ABR: variants seen among roughly 807,000 people sequenced by gnomAD.
ABR encodes active breakpoint cluster region-related protein.
ABR carries 35 observed loss-of-function variants against 107.2 expected under a neutral mutation model. That is an observed-to-expected ratio of 0.33 (90% confidence interval 0.25 to 0.43). ABR has a LOEUF of 0.43. ABR is among the 20% of genes least tolerant of loss of function. The pLI is 1.00. For missense variants in ABR, 815 were observed against 1,115.2 expected (o/e 0.73, Z 3.83); for synonymous variants, 498 against 462.0 (o/e 1.08, Z -1.00).
upstream of ABR, among the ~76,000 whole-genome samples, chr17:1,183,553 C>T (rs901103466): frequency 6.6e-5 from 10 of 152,184 alleles, no homozygotes; most frequent in Non-Finnish European, 1.3e-4. Flanking sequence ...ACTCTTGCTT[C>T]TACCAATCAA....
At position 1,098,468 on chromosome 17, in the gene ABR, C is replaced by T. The variant is rs897991729; in HGVS notation, c.345+2169G>A. Among the ~76,000 whole-genome samples the T allele has an allele frequency of 6.6e-5, 10 of 152,292 alleles. No individual in the cohort carries two copies. The South Asian group carries it at 1.7e-3, about 25-fold the overall frequency. On this transcript the variant is annotated intron_variant, in intron 3 of 22. Transcript: ENST00000302538. ...ACAGGCACACAGACAGACAACAAAC[C>T]GAAAGTTCCCTCACTTATCTTTCCC...
chr17:1,112,596 TGAGG>T (rs886705156), intron 2 of ABR, among the ~76,000 whole-genome samples: 107 of 111,238 alleles, frequency 9.6e-4, no homozygotes, highest in Non-Finnish European at 1.6e-3. Context: ...GACTCTGTCT[TGAGG>T]GAGGGAGGGA....
intron 10 of ABR, among the ~76,000 whole-genome samples, chr17:1,066,465 C>G (rs367943295): frequency 1.3e-5 from 2 of 152,072 alleles, no homozygotes; most frequent in East Asian, 3.9e-4. Flanking sequence ...GGTCCTTTTC[C>G]TTGCACAGGT....
chr17:1,121,830 C>T lies in ABR; in HGVS notation c.246+3353G>A, dbSNP rs115276657. Among the ~76,000 whole-genome samples the T allele has an allele frequency of 8.4e-3, 1,273 of 151,752 alleles. 28 individuals carry two copies. The highest frequency in any genetic ancestry group is 0.029 in the African/African-American group (1,188 of 41,062). On this transcript the variant is annotated intron_variant, in intron 2 of 22. Coordinates refer to ENST00000302538, the MANE Select transcript of ABR (RefSeq NM_021962.5). ...CCACTACCTTTCAGGGGAGTTAGAG[C>T]TATCTAGAGACAAGGAGACTGAGGC... is the stretch of plus-strand genomic sequence containing the variant.
chr17:1,078,877 C>T lies in ABR; in HGVS notation c.700+453G>A. Reference sequence around the variant, plus strand: ...ATCTCCATGGCAGCCTCTGTCCCCGCGGCGGGAGCGTGCAGCCATCGCTCC... The same window carrying T: ...ATCTCCATGGCAGCCTCTGTCCCCGTGGCGGGAGCGTGCAGCCATCGCTCC... On this transcript the variant is annotated intron_variant, in intron 6 of 22. Coordinates refer to ENST00000302538, the MANE Select transcript of ABR (RefSeq NM_021962.5). The surrounding 1 kb of genome is among the most constrained non-coding windows in gnomAD (Gnocchi z 7.5). 17 of 1,535,514 alleles carry T rather than the reference C, an allele frequency of 1.1e-5. No homozygotes were observed. The highest frequency in any genetic ancestry group is 2.4e-5 in the East Asian group (1 of 40,898).
At chr17:1,115,020 C>A (rs1324231349) in intron 2 of ABR, among the ~76,000 whole-genome samples, 1 of 152,164 alleles carries the variant, frequency 6.6e-6, no homozygotes, top group African/African-American at 2.4e-5. Context: ...GGAGTTGGTC[C>A]TGAGGCCACA....
intron 1 of ABR, among the ~76,000 whole-genome samples, chr17:1,130,720 A>C (rs2039787422): frequency 6.6e-6 from 1 of 152,208 alleles, no homozygotes. Context: ...ATCATTGTCG[A>C]TTAACCGGTG....
At chr17:1,059,600 C>G (rs944724988) in intron 10 of ABR, among the ~76,000 whole-genome samples, 3 of 152,216 alleles carry the variant, frequency 2.0e-5, no homozygotes, top group Non-Finnish European at 4.4e-5. Context: ...AGACAACCCA[C>G]CAGGTCCCGT....
chr17:1,133,393 G>C (rs949989939), intron 1 of ABR, among the ~76,000 whole-genome samples: 5 of 152,124 alleles, frequency 3.3e-5, no homozygotes, highest in African/African-American at 1.2e-4. Flanking sequence ...AAAGTTGTAA[G>C]TCACAGGGCT....
Position 1,018,505 on chromosome 17 carries a change from C to T in ABR, c.1792-5341G>A, listed in dbSNP as rs375018097. On this transcript the variant is annotated intron_variant, in intron 16 of 22. Transcript: ENST00000302538. ...TCCGATTCACCCACAGCCCCTCCTC[C>T]GCCCCAGCTTCCCACGACTGGGTGC... is the stretch of plus-strand genomic sequence containing the variant. 2.1e-4 allele frequency among the ~76,000 whole-genome samples: 32 copies of T among 152,338 alleles called. No individual in the cohort carries two copies. In the East Asian group the frequency reaches 5.4e-3, roughly 26 times the overall value.
intron 1 of ABR, among the ~76,000 whole-genome samples, chr17:1,213,680 C>G (rs1368172441): frequency 6.6e-6 from 1 of 152,086 alleles, no homozygotes; most frequent in East Asian, 1.9e-4. Flanking sequence ...CGTGAGGCAC[C>G]ACGCCCGGCC....
At chr17:1,172,568 G>T (rs931184784) in intron 1 of ABR, among the ~76,000 whole-genome samples, 9 of 152,114 alleles carry the variant, frequency 5.9e-5, no homozygotes, top group African/African-American at 2.2e-4. Context: ...GGCCAACATG[G>T]TGAAACCCCG....
intron 5 of ABR, among the ~76,000 whole-genome samples, chr17:1,082,806 T>C (rs1221138904): frequency 2.0e-5 from 3 of 152,150 alleles, no homozygotes; most frequent in Non-Finnish European, 2.9e-5. Context: ...TTTTAAACAA[T>C]GCCCCAGTGA....
intron 1 of ABR, among the ~76,000 whole-genome samples, chr17:1,156,888 C>G (rs1025734801): frequency 6.6e-6 from 1 of 152,080 alleles, no homozygotes; most frequent in Non-Finnish European, 1.5e-5. Context: ...AGTGGCTCTT[C>G]CGTCCACCTC....
intron 1 of ABR, among the ~76,000 whole-genome samples, chr17:1,228,589 G>C (rs550944661): frequency 1.3e-5 from 2 of 152,136 alleles, no homozygotes; most frequent in African/African-American, 2.4e-5. Context: ...AGAGTCGCCC[G>C]AGCTTAACGT....
At position 1,003,573 on chromosome 17, in the gene ABR, C is replaced by T. The variant is rs943528022; in HGVS notation, c.*2507G>A. 2.0e-5 allele frequency: 3 copies of T among 152,524 alleles called. No homozygotes were observed. Among genetic ancestry groups the T allele is most frequent in the Non-Finnish European group, 2.9e-5 (2 of 68,044 alleles). 9.4% of individuals were successfully genotyped at this position (152,524 alleles called of 1,614,324 possible). ...ATTTTTTATTAACATTTTCCTCTCA[C>T]GTGGTTTACATCAATTTATAATAAT... is the stretch of plus-strand genomic sequence containing the variant. On this transcript the variant is annotated 3_prime_UTR_variant, in exon 23 of 23. Transcript: ENST00000302538.
At chr17:1,161,852 G>A (rs1310350319) in intron 1 of ABR, among the ~76,000 whole-genome samples, 2 of 152,150 alleles carry the variant, frequency 1.3e-5, no homozygotes, top group South Asian at 2.1e-4. Flanking sequence ...ACAGCGCCCG[G>A]CCAGAAGTCA....
At chr17:1,062,094 C>T (rs1179727367) in intron 10 of ABR, among the ~76,000 whole-genome samples, 2 of 152,208 alleles carry the variant, frequency 1.3e-5, no homozygotes, top group African/African-American at 4.8e-5. Flanking sequence ...TAAGCTGAAC[C>T]TGAGAGGTGA....
Position 1,078,211 on chromosome 17 carries a change from G to A in ABR, c.700+1119C>T, listed in dbSNP as rs2035893729. ...TTCCACAGTTGAGGGCCCAGACCTC[G>A]GCTGGGGGTCTCTCACGGCTGGAAA... On this transcript the variant is annotated intron_variant, in intron 6 of 22. Coordinates refer to ENST00000302538, the MANE Select transcript of ABR (RefSeq NM_021962.5). This position sits in a 1 kb window ranked among gnomAD's most constrained non-coding sequence, Gnocchi z 7.5. Among the ~76,000 whole-genome samples, 2 of 151,960 alleles carry A rather than the reference G, an allele frequency of 1.3e-5. No individual in the cohort carries two copies. Among genetic ancestry groups the A allele is most frequent in the Admixed American group, 6.6e-5 (1 of 15,264 alleles).
Sources: allele counts gnomAD v4.1 joint callset (sites outside exome capture counted in the v4.1 genomes callset), GRCh38; gene constraint gnomAD v4.1.1; non-coding constraint Gnocchi (gnomAD v3.1); transcripts MANE v1.5; gene names NCBI Gene and HGNC (gene_info 2026-07-23, HGNC 2026-07-21).